Variants in TRABD observed in about 807,000 individuals in gnomAD.
TRABD encodes the protein TraB domain containing.
Under a neutral mutation model 39.6 loss-of-function variants are expected in TRABD, and 23 were observed. The observed-to-expected ratio is 0.58, with a 90% confidence interval of 0.42 to 0.82. The LOEUF is 0.82. Ranked by LOEUF, TRABD falls within the 40% of genes least tolerant of loss-of-function variation. The pLI is 0.00. For synonymous variants in TRABD, 243 were observed against 232.1 expected (o/e 1.05, Z -0.43); for missense variants, 487 against 544.9 (o/e 0.89, Z 1.06).
chr22:50,185,916 C>A lies in TRABD; in HGVS notation c.-95C>A. 6.7e-6 allele frequency: 1 copy of A among 149,996 alleles called. No individual in the cohort carries two copies. The highest frequency in any genetic ancestry group is 1.9e-4 in the South Asian group (1 of 5,254). The allele number at this position is 149,996 out of a possible 1,614,324, so 9.3% of individuals were successfully genotyped here. On this transcript the variant is annotated 5_prime_UTR_variant, in exon 1 of 10. Transcript: ENST00000380909. ...CCCCGCCCCGCGGCCCCAGCCCGCC[C>A]CGTCCGTTGAGGGCCCGCGCCGCAT...
rs1569084564 is a variant in TRABD at position 50,194,332 on chromosome 22, TG to T, written c.113-7del. Reference sequence around the variant, plus strand: ...CCGGCACCACAACGGCCTGTGCTGCTGTTGCAGCCGACGTGGACGCCTTCAA... The same window carrying T: ...CCGGCACCACAACGGCCTGTGCTGCTTTGCAGCCGACGTGGACGCCTTCAA... On this transcript the variant is annotated splice_polypyrimidine_tract_variant and splice_region_variant and intron_variant, in intron 3 of 9. Transcript: ENST00000380909. 1.9e-6 allele frequency: 3 copies of T among 1,610,454 alleles called. No homozygotes were observed. Among genetic ancestry groups the T allele is most frequent in the Non-Finnish European group, 2.5e-6 (3 of 1,178,388 alleles).
In TRABD at chr22:50,197,361, G is replaced by T; in HGVS notation, c.531+10G>T. On this transcript the variant is annotated intron_variant, in intron 6 of 9. Coordinates refer to ENST00000380909, the MANE Select transcript of TRABD (RefSeq NM_001320485.2). ...GGAGGCCTTCAAGGAGGTGGGCACA[G>T]GGTGAGGTAGGGGGTGGCCACAGGG... 3 of 1,613,686 alleles carry T rather than the reference G, an allele frequency of 1.9e-6. No individual in the cohort carries two copies. Among genetic ancestry groups the T allele is most frequent in the Non-Finnish European group, 2.5e-6 (3 of 1,179,896 alleles).
In TRABD at chr22:50,197,808, C is replaced by T; in HGVS notation, c.672-15C>T. 1.2e-6 allele frequency: 2 copies of T among 1,606,984 alleles called. No homozygotes were observed. The highest frequency in any genetic ancestry group is 1.1e-5 in the South Asian group (1 of 90,916). ...TTGCCCATCCCTGCGGGGCTGCAGC[C>T]ATCCCTCTCCACAGCAAGGATGACG... On this transcript the variant is annotated splice_polypyrimidine_tract_variant and intron_variant, in intron 7 of 9. Coordinates refer to ENST00000380909, the MANE Select transcript of TRABD (RefSeq NM_001320485.2).
chr22:50,197,766 C>CCCCCCCCCCCCCCCCCGGG, intron 7 of TRABD, 57 bp from the exon 8 acceptor site: 3 of 925,778 alleles, frequency 3.2e-6, no homozygotes, highest in Non-Finnish European at 5.1e-6. Flanking sequence ...CAGTGCCAGC[C>CCCCCCCCCCCCCCCCCGGG]CCACCCCCCC....
chr22:50,199,312 G>A lies in TRABD; in HGVS notation c.*793G>A, dbSNP rs2064242533. 2 of 569,846 alleles carry A rather than the reference G, an allele frequency of 3.5e-6. No homozygotes were observed. Among genetic ancestry groups the A allele is most frequent in the Non-Finnish European group, 6.3e-6 (2 of 316,152 alleles). The allele number at this position is 569,846 out of a possible 1,614,324, so 35.3% of individuals were successfully genotyped here. ...CCTGGGGCATCTTGGCCCTCTCTGG[G>A]CAGACAATGTGTGCACCTATGTGGA... On this transcript the variant is annotated 3_prime_UTR_variant, in exon 10 of 10. Coordinates refer to ENST00000380909, the MANE Select transcript of TRABD (RefSeq NM_001320485.2).
chr22:50,194,991 G>T lies in TRABD; in HGVS notation c.371G>T (p.Arg124Leu). Residue 124 changes from arginine to leucine, a missense_variant, in exon 5 of 10, where the codon CGG becomes CTG. Arg to Leu is a moderately radical substitution (Grantham distance 102). Coordinates refer to ENST00000380909, the MANE Select transcript of TRABD (RefSeq NM_001320485.2). Reference sequence around the variant, plus strand: ...AAGATGGACGAGAGCACGCTGCTGCGGGAGGCCCAGGAGCTCAGCCTGGAG... The same window carrying T: ...AAGATGGACGAGAGCACGCTGCTGCTGGAGGCCCAGGAGCTCAGCCTGGAG... ...MLKMDESTLLREAQELSLEKL... is the reference protein window; with the variant it reads ...MLKMDESTLLLEAQELSLEKL... 6.2e-7 allele frequency: 1 copy of T among 1,609,624 alleles called. No homozygotes were observed. The highest frequency in any genetic ancestry group is 2.2e-5 in the East Asian group (1 of 44,806).
intron 1 of TRABD, among the ~76,000 whole-genome samples, chr22:50,186,198 G>C (rs1258385448): frequency 6.9e-6 from 1 of 144,690 alleles, no homozygotes; most frequent in African/African-American, 2.5e-5. Context: ...AGGTTTTGGG[G>C]CCGGGGGAGC....
chr22:50,197,657 C>A (rs117073176), intron 7 of TRABD, 69 bp downstream of exon 7: 32,086 of 1,590,444 alleles, frequency 0.02, 474 homozygotes, highest in South Asian at 0.056. Flanking sequence ...CCCTCCTGTG[C>A]AGGTCCAAGC....
chr22:50,197,574 G>A lies in TRABD; in HGVS notation c.657G>A (p.Leu219=), dbSNP rs1225589823. The change falls in exon 7 of 10, where the codon CTG becomes CTA. Residue 219 remains leucine (L), a synonymous_variant. Coordinates refer to ENST00000380909, the MANE Select transcript of TRABD (RefSeq NM_001320485.2). ...GGCTGGCTTGGGGCCTGTGCTTCCT[G>A]TCAGACCCCATCAGGTAGGGCTGCC... is the stretch of plus-strand genomic sequence containing the variant. ...KVRLAWGLCF[L]SDPISKDDVE... 5 of 1,613,078 alleles carry A rather than the reference G, an allele frequency of 3.1e-6. No homozygotes were observed. Among genetic ancestry groups the A allele is most frequent in the Admixed American group, 1.7e-5 (1 of 59,996 alleles).
chr22:50,198,535 C>A lies in TRABD; in HGVS notation c.*16C>A. 6.6e-7 allele frequency: 1 copy of A among 1,510,810 alleles called. No homozygotes were observed. Among genetic ancestry groups the A allele is most frequent in the Non-Finnish European group, 8.8e-7 (1 of 1,133,986 alleles). 93.6% of individuals were successfully genotyped at this position (1,510,810 alleles called of 1,614,324 possible). On this transcript the variant is annotated 3_prime_UTR_variant, in exon 10 of 10. Transcript: ENST00000380909. This position sits in a 1 kb window ranked among gnomAD's most constrained non-coding sequence, Gnocchi z 7.9. ...GCACAAGTAGGAGACTGCTCCCCGC[C>A]CGCTCGGGCCCCTGAGGAGCCAGTG...
At chr22:50,197,766 C>CCCCCCCCCCCCCCCCCCT in intron 7 of TRABD, 57 bp from the exon 8 acceptor site, 1 of 925,782 alleles carries the variant, frequency 1.1e-6, no homozygotes, top group Non-Finnish European at 1.7e-6. Flanking sequence ...CAGTGCCAGC[C>CCCCCCCCCCCCCCCCCCT]CCACCCCCCC....
intron 1 of TRABD, among the ~76,000 whole-genome samples, chr22:50,188,824 C>T (rs1555050): frequency 0.78 from 117,991 of 152,146 alleles, 46,067 homozygotes; most frequent in South Asian, 0.87. Flanking sequence ...ATTTCGGATG[C>T]AGACAGCCGT....
rs961450530 is a variant in TRABD at position 50,197,847 on chromosome 22, G to A, written c.696G>A (p.Lys232=). The A allele has an allele frequency of 1.3e-6, 2 of 1,505,580 alleles. No individual in the cohort carries two copies. Among genetic ancestry groups the A allele is most frequent in the African/African-American group, 2.9e-5 (2 of 69,250 alleles). 93.3% of individuals were successfully genotyped at this position (1,505,580 alleles called of 1,614,324 possible). A position where few individuals can be genotyped will look rare whatever the true frequency, so the allele number is the denominator to read the frequency against. ...GCAAGGATGACGTGGAACGCTGCAA[G>A]CAGAAGGACCTACTGGAGCAGATGA... ...PISKDDVERC[K]QKDLLEQMMA... is the part of the protein sequence containing the mutation. The change falls in exon 8 of 10, where the codon AAG becomes AAA. Residue 232 remains lysine, a synonymous_variant. Transcript: ENST00000380909.
chr22:50,197,764 G>GGCCCCCCCCC, intron 7 of TRABD, 59 bp from the exon 8 acceptor site: 3 of 1,284,782 alleles, frequency 2.3e-6, no homozygotes, highest in African/African-American at 1.5e-5. Context: ...CACAGTGCCA[G>GGCCCCCCCCC]CCCCACCCCC....
At chr22:50,187,857 G>GT (rs1426297385) in intron 1 of TRABD, among the ~76,000 whole-genome samples, 5 of 152,278 alleles carry the variant, frequency 3.3e-5, no homozygotes, top group African/African-American at 1.2e-4. Flanking sequence ...GCAGGCGCCT[G>GT]TAGTCCCAGC....
intron 5 of TRABD, among the ~76,000 whole-genome samples, chr22:50,196,415 C>T (rs555774164): frequency 4.6e-5 from 7 of 152,232 alleles, no homozygotes; most frequent in East Asian, 3.8e-4. Flanking sequence ...GATTGCCCGG[C>T]GCTGTGTGGC....
intron 3 of TRABD, 97 bp from the exon 4 acceptor site, chr22:50,194,243 C>G (rs1265512743): frequency 1.5e-5 from 22 of 1,459,952 alleles, no homozygotes; most frequent in Non-Finnish European, 1.8e-5. Flanking sequence ...GTTCAGTTCT[C>G]AGAACCCAGG....
chr22:50,197,139 C>T (rs2064140334), intron 5 of TRABD, 102 bp from the exon 6 acceptor site: 10 of 1,203,108 alleles, frequency 8.3e-6, no homozygotes, highest in Non-Finnish European at 9.6e-6. Context: ...TGGGCTGGGG[C>T]AGGGCTCTGC....
chr22:50,189,468 G>A (rs1480387512), intron 1 of TRABD, among the ~76,000 whole-genome samples: 5 of 152,372 alleles, frequency 3.3e-5, no homozygotes, highest in South Asian at 4.1e-4. Flanking sequence ...TCTGATACAA[G>A]CGTCTGGCTT....
Sources: gnomAD v4.1 joint callset for allele counts (sites outside exome capture counted in the v4.1 genomes callset) on GRCh38, gnomAD v4.1.1 for gene constraint, Gnocchi (gnomAD v3.1) non-coding constraint, MANE v1.5 for transcripts, NCBI Gene and HGNC (gene_info 2026-07-23, HGNC 2026-07-21) for gene names.